Variants in NCR3LG1 observed in about 807,000 individuals in gnomAD.
The protein encoded by NCR3LG1 is natural killer cell cytotoxicity receptor 3 ligand 1.
A neutral mutation model predicts 34.8 loss-of-function variants in NCR3LG1; 35 were observed. The ratio of observed to expected loss-of-function variants is 1.01; its 90% CI spans 0.77 to 1.33. NCR3LG1 has a LOEUF of 1.33. Among genes scored for constraint, NCR3LG1 ranks in the 40% most tolerant of loss-of-function variants. NCR3LG1 has a pLI of 0.00. For synonymous variants in NCR3LG1, 173 were observed against 163.6 expected (o/e 1.06, Z -0.44); for missense variants, 452 against 423.3 (o/e 1.07, Z -0.60).
intron 2 of NCR3LG1, among the ~76,000 whole-genome samples, chr11:17,359,414 C>T (rs1460154342): frequency 6.6e-6 from 1 of 152,118 alleles, no homozygotes; most frequent in African/African-American, 2.4e-5. Flanking sequence ...CTGTACCCAC[C>T]ATCCTCTGTT....
rs959414725 is a variant in NCR3LG1 at position 17,376,065 on chromosome 11, T to C, written c.*3553T>C. On this transcript the variant is annotated 3_prime_UTR_variant, in exon 5 of 5. Transcript: ENST00000338965. ...TACTAAAAATGGTCAAATAGGTTGT[T>C]AATACTCGTGAAACCCTCTTAAAAA... The C allele has an allele frequency of 3.7e-4, 56 of 152,214 alleles. No homozygotes were observed. The highest frequency in any genetic ancestry group is 1.3e-3 in the African/African-American group (53 of 41,450). 9.4% of individuals were successfully genotyped at this position (152,214 alleles called of 1,614,324 possible). A position where few individuals can be genotyped will look rare whatever the true frequency, so the allele number is the denominator to read the frequency against.
chr11:17,354,866 C>T (rs747100880), intron 1 of NCR3LG1, among the ~76,000 whole-genome samples: 3 of 152,042 alleles, frequency 2.0e-5, no homozygotes, highest in Non-Finnish European at 2.9e-5. Context: ...ATTTTGAAAA[C>T]TTTATTTAGA....
At chr11:17,352,177 C>CT (rs34454730) in intron 1 of NCR3LG1, 138 bp downstream of exon 1, 10,633 of 291,360 alleles carry the variant, frequency 0.036, 65 homozygotes, top group East Asian at 0.056. Flanking sequence ...ATTTCTTCTC[C>CT]TTTTTTTTTT....
At chr11:17,377,820 T>TA (rs1953490905), downstream of NCR3LG1, among the ~76,000 whole-genome samples, 1 of 152,198 alleles carries the variant, frequency 6.6e-6, no homozygotes, top group South Asian at 2.1e-4. Flanking sequence ...ATTCCACTGA[T>TA]ATGGCAGCAT....
chr11:17,352,144 C>T, intron 1 of NCR3LG1, 105 bp downstream of exon 1: 1 of 579,922 alleles, frequency 1.7e-6, no homozygotes, highest in Admixed American at 3.7e-5. Context: ...TTCCTGGGGG[C>T]TGAGAGCTCT....
At chr11:17,355,157 G>C (rs537344118) in intron 1 of NCR3LG1, among the ~76,000 whole-genome samples, 1 of 152,132 alleles carries the variant, frequency 6.6e-6, no homozygotes, top group Non-Finnish European at 1.5e-5. Context: ...CCCAATACTT[G>C]AGGAGGCAAT....
chr11:17,364,110 C>T (rs1953318027), intron 2 of NCR3LG1, among the ~76,000 whole-genome samples: 1 of 152,038 alleles, frequency 6.6e-6, no homozygotes, highest in South Asian at 2.1e-4. Flanking sequence ...ATCTGTTACA[C>T]CTTTTGCAGT....
downstream of NCR3LG1, among the ~76,000 whole-genome samples, chr11:17,380,490 AT>A (rs554844124): frequency 1.7e-3 from 244 of 145,300 alleles, no homozygotes; most frequent in African/African-American, 2.3e-3. Flanking sequence ...GTTTTTAGTA[AT>A]TTTTTTTTTT....
chr11:17,359,316 T>A (rs1953244158), intron 2 of NCR3LG1, among the ~76,000 whole-genome samples: 1 of 152,218 alleles, frequency 6.6e-6, no homozygotes, highest in Non-Finnish European at 1.5e-5. Context: ...TTCTTACTGA[T>A]GTCTCCAACT....
chr11:17,380,774 G>A (rs1408737501), downstream of NCR3LG1: 1 of 152,248 alleles, frequency 6.6e-6, no homozygotes, highest in Non-Finnish European at 1.5e-5. Context: ...ACAGGCATGA[G>A]CCACTGTGCC....
intron 3 of NCR3LG1, 44 bp downstream of exon 3, chr11:17,367,391 G>C (rs1317774368): frequency 1.2e-5 from 17 of 1,418,140 alleles, no homozygotes; most frequent in Non-Finnish European, 1.6e-5. Flanking sequence ...TGCCTTGAGG[G>C]ACTATAACAT....
intron 1 of NCR3LG1, among the ~76,000 whole-genome samples, chr11:17,353,059 T>C (rs1953157483): frequency 6.6e-6 from 1 of 152,166 alleles, no homozygotes. Flanking sequence ...GAGCCGCGTG[T>C]GGACCTCACC....
At position 17,373,526 on chromosome 11, in the gene NCR3LG1, G is replaced by C. The variant is rs886114927; in HGVS notation, c.*1014G>C. On this transcript the variant is annotated 3_prime_UTR_variant, in exon 5 of 5. Coordinates refer to ENST00000338965, the MANE Select transcript of NCR3LG1 (RefSeq NM_001202439.3). ...ATGGGTCCTGGGGCTCAACTCCCTG[G>C]CTCCAGTGGCTCAGACTGCTGTTAC... 6.6e-6 allele frequency: 1 copy of C among 152,210 alleles called. No homozygotes were observed. The highest frequency in any genetic ancestry group is 1.5e-5 in the Non-Finnish European group (1 of 68,062). The allele number at this position is 152,210 out of a possible 1,614,324, so 9.4% of individuals were successfully genotyped here.
chr11:17,367,338 A>G lies in NCR3LG1; in HGVS notation c.751A>G (p.Ser251Gly), dbSNP rs1203314651. 6.5e-7 allele frequency: 1 copy of G among 1,533,120 alleles called. No homozygotes were observed. The highest frequency in any genetic ancestry group is 1.4e-5 in the African/African-American group (1 of 73,080). The allele number at this position is 1,533,120 out of a possible 1,614,324, so 95.0% of individuals were successfully genotyped here. A position where few individuals can be genotyped will look rare whatever the true frequency, so the allele number is the denominator to read the frequency against. The change falls in exon 3 of 5, where the codon AGT becomes GGT. Residue 251 changes from serine to glycine, a missense_variant. Physicochemically the swap from Ser to Gly is moderately conservative, Grantham distance 56. Coordinates refer to ENST00000338965, the MANE Select transcript of NCR3LG1 (RefSeq NM_001202439.3). ...CTTTACCCTGACTGCTGCTCGGCAC[A>G]GTCTTTCTGGTAAGGGTCTTTCTGG... ...SNFTLTAARHSLSETEKTDNF... is the reference protein window; with the variant it reads ...SNFTLTAARHGLSETEKTDNF...
Position 17,372,483 on chromosome 11 carries a change from C to A in NCR3LG1, c.1336C>A (p.Pro446Thr). ...AACAACTCCAGTTCTATCCTCCCAA[C>A]CCCCAACTTTACTGTTACCCCTACA... is the stretch of plus-strand genomic sequence containing the variant. The part of the protein sequence containing the change: ...TSTTPVLSSQ[P>T]PTLLLPLQ The change falls in exon 5 of 5, where the codon CCC becomes ACC. Residue 446 changes from proline to threonine, a missense_variant. By Grantham distance (38) the Pro-to-Thr change is conservative. Transcript: ENST00000338965. 1 of 701,334 alleles carries A rather than the reference C, an allele frequency of 1.4e-6. No homozygotes were observed. The highest frequency in any genetic ancestry group is 1.5e-5 in the South Asian group (1 of 67,388). The allele number at this position is 701,334 out of a possible 1,614,324, so 43.4% of individuals were successfully genotyped here. A position where few individuals can be genotyped will look rare whatever the true frequency, so the allele number is the denominator to read the frequency against.
chr11:17,363,033 A>G (rs1267756766), intron 2 of NCR3LG1, among the ~76,000 whole-genome samples: 1 of 144,062 alleles, frequency 6.9e-6, no homozygotes, highest in African/African-American at 2.6e-5. Flanking sequence ...CGATACTCCC[A>G]CCTCGGCCTC....
intron 2 of NCR3LG1, among the ~76,000 whole-genome samples, chr11:17,359,648 A>C (rs1343710996): frequency 6.6e-6 from 1 of 151,698 alleles, no homozygotes; most frequent in Non-Finnish European, 1.5e-5. Flanking sequence ...GGTAACTAGG[A>C]TTACAGGTGC....
In NCR3LG1 at chr11:17,374,844, C is replaced by G. The variant is rs1182183979; in HGVS notation, c.*2332C>G. 1 of 152,152 alleles carries G rather than the reference C, an allele frequency of 6.6e-6. No homozygotes were observed. Among genetic ancestry groups the G allele is most frequent in the Non-Finnish European group, 1.5e-5 (1 of 68,028 alleles). 9.4% of individuals were successfully genotyped at this position (152,152 alleles called of 1,614,324 possible). On this transcript the variant is annotated 3_prime_UTR_variant, in exon 5 of 5. Coordinates refer to ENST00000338965, the MANE Select transcript of NCR3LG1 (RefSeq NM_001202439.3). ...AAGGCCATTAATCAGTTAAAACAAGCCTTGCTTAAAGCACCAGCCCCCAGT... is the reference window on the plus strand; with the variant it reads ...AAGGCCATTAATCAGTTAAAACAAGGCTTGCTTAAAGCACCAGCCCCCAGT...
intron 3 of NCR3LG1, among the ~76,000 whole-genome samples, chr11:17,367,697 C>T (rs144260960): frequency 3.7e-4 from 56 of 152,248 alleles, no homozygotes; most frequent in African/African-American, 1.3e-3. Flanking sequence ...CAGTATCCTA[C>T]CCGTGTTCCC....
Sources: gnomAD v4.1 joint callset for allele counts (sites outside exome capture counted in the v4.1 genomes callset) on GRCh38, gnomAD v4.1.1 for gene constraint, MANE v1.5 for transcripts, NCBI Gene and HGNC (gene_info 2026-07-23, HGNC 2026-07-21) for gene names.